Variants in KSR1 observed in about 807,000 individuals in gnomAD.
The protein encoded by KSR1 is kinase suppressor of ras.
A neutral mutation model predicts 92.9 loss-of-function variants in KSR1; 35 were observed. That is an observed-to-expected ratio of 0.38 (90% CI 0.29 to 0.50). The LOEUF (loss-of-function observed/expected upper bound fraction) is 0.50. KSR1 is among the 20% of genes least tolerant of loss of function. The probability of loss-of-function intolerance (pLI) is 0.94; values close to 1 mark genes in which losing one functional copy is unlikely to be tolerated. For missense variants in KSR1, 972 were observed against 1,158.5 expected, an observed-to-expected ratio of 0.84 and a Z score of 2.34; for synonymous variants, 467 against 472.6, an observed-to-expected ratio of 0.99 and a Z score of 0.15.
At chr17:27,510,304 C>A (rs2069551924) in intron 1 of KSR1, among the ~76,000 whole-genome samples, 1 of 152,212 alleles carries the variant, frequency 6.6e-6, no homozygotes. Context: ...ATCCCAGTGA[C>A]CTCTGGCACG....
intron 2 of KSR1, among the ~76,000 whole-genome samples, chr17:27,555,654 G>C (rs1427462239): frequency 2.0e-5 from 3 of 152,196 alleles, no homozygotes; most frequent in African/African-American, 7.2e-5. Context: ...AGCCTGGTGA[G>C]TTATTCGCTC....
At chr17:27,467,723 T>G (rs1444902788) in intron 1 of KSR1, among the ~76,000 whole-genome samples, 1 of 152,206 alleles carries the variant, frequency 6.6e-6, no homozygotes, top group African/African-American at 2.4e-5. Flanking sequence ...GCCTTTAGTT[T>G]AAAATGCTCA....
At chr17:27,606,317 G>A (rs1221792889) in intron 14 of KSR1, among the ~76,000 whole-genome samples, 4 of 152,208 alleles carry the variant, frequency 2.6e-5, no homozygotes, top group Admixed American at 2.6e-4. Flanking sequence ...GGTACAGAGT[G>A]AAAGCCAGTC....
At chr17:27,535,445 G>C (rs2070721050) in intron 1 of KSR1, among the ~76,000 whole-genome samples, 1 of 152,210 alleles carries the variant, frequency 6.6e-6, no homozygotes, top group Non-Finnish European at 1.5e-5. Flanking sequence ...TTTGGTGCCA[G>C]AGGTGTTCCT....
intron 1 of KSR1, among the ~76,000 whole-genome samples, chr17:27,545,627 C>T (rs1161301437): frequency 6.6e-6 from 1 of 152,214 alleles, no homozygotes; most frequent in African/African-American, 2.4e-5. Context: ...CCAGAGTTTC[C>T]AGCCTGAAGA....
intron 5 of KSR1, 81 bp from the exon 6 acceptor site, chr17:27,588,394 G>C: frequency 7.9e-7 from 1 of 1,269,112 alleles, no homozygotes; most frequent in Non-Finnish European, 1.1e-6. Flanking sequence ...CTAGCCTGTG[G>C]TCTCTGAATT....
intron 2 of KSR1, among the ~76,000 whole-genome samples, chr17:27,575,424 A>G (rs2072468226): frequency 6.6e-6 from 1 of 152,224 alleles, no homozygotes; most frequent in South Asian, 2.1e-4. Flanking sequence ...CTAATGCATT[A>G]TAATGAGCAT....
At chr17:27,578,733 G>T (rs991782424) in intron 3 of KSR1, 3 of 152,272 alleles carry the variant, frequency 2.0e-5, no homozygotes, top group Non-Finnish European at 4.4e-5. Context: ...AATTGTGGAA[G>T]AGTCAGCTTT....
chr17:27,541,258 A>G (rs2070951761), intron 1 of KSR1, among the ~76,000 whole-genome samples: 1 of 152,240 alleles, frequency 6.6e-6, no homozygotes, highest in Non-Finnish European at 1.5e-5. Flanking sequence ...AGGACTAAAT[A>G]AAACAAGAGG....
At chr17:27,602,337 G>T (rs941017958) in intron 11 of KSR1, among the ~76,000 whole-genome samples, 1 of 152,170 alleles carries the variant, frequency 6.6e-6, no homozygotes, top group African/African-American at 2.4e-5. Context: ...AGCAGCCTCT[G>T]CAGTTTCACA....
chr17:27,572,925 T>A (rs529619332), intron 2 of KSR1, among the ~76,000 whole-genome samples: 66 of 152,286 alleles, frequency 4.3e-4, no homozygotes, highest in Middle Eastern at 3.4e-3. Flanking sequence ...CTTTCTTGAT[T>A]AAGTTAACAT....
intron 16 of KSR1, 40 bp from the exon 17 acceptor site, chr17:27,610,027 T>G (rs367998466): frequency 3.7e-4 from 589 of 1,610,564 alleles, no homozygotes; most frequent in Non-Finnish European, 4.8e-4. Flanking sequence ...TGCTGCCTGC[T>G]GAAAGGCCTG....
chr17:27,585,786 A>G (rs2072946507), intron 5 of KSR1, 125 bp downstream of exon 5: 6 of 712,872 alleles, frequency 8.4e-6, no homozygotes, highest in Non-Finnish European at 2.6e-6. Context: ...GTCCAGAAGC[A>G]GAGGTGCTGG....
At chr17:27,526,042 C>CT (rs60220711) in intron 1 of KSR1, among the ~76,000 whole-genome samples, 28,668 of 101,364 alleles carry the variant, frequency 0.28, 4,285 homozygotes, top group African/African-American at 0.42. Flanking sequence ...CTTTTCTTTT[C>CT]TTTCTCTCTC....
rs114249404 is a variant in KSR1, at chr17:27,500,012, T to C, written c.231+43138T>C. ...ATCTGCACCAGTGCTGCTGTCATCT[T>C]GAGAGTGGACTCGTGTCAGATGGGA... On this transcript the variant is annotated intron_variant, in intron 1 of 20. Transcript: ENST00000644974. 4.5e-3 allele frequency among the ~76,000 whole-genome samples: 680 copies of C among 152,328 alleles called. 7 individuals carry two copies. Among genetic ancestry groups the C allele is most frequent in the African/African-American group, 0.016 (651 of 41,582 alleles).
At chr17:27,599,667 A>T (rs1177608156) in intron 10 of KSR1, among the ~76,000 whole-genome samples, 1 of 152,206 alleles carries the variant, frequency 6.6e-6, no homozygotes, top group African/African-American at 2.4e-5. Flanking sequence ...CTTAGGCTAT[A>T]CTAAATTTAT....
chr17:27,605,361 C>T, intron 13 of KSR1, 73 bp from the exon 14 acceptor site: 1 of 1,522,602 alleles, frequency 6.6e-7, no homozygotes. Context: ...CTGGCTAGGG[C>T]TCCAGGAGAA....
intron 15 of KSR1, 55 bp from the exon 16 acceptor site, chr17:27,609,141 G>A (rs1480431768): frequency 3.2e-6 from 5 of 1,573,514 alleles, no homozygotes; most frequent in African/African-American, 1.3e-5. Context: ...ATCCAGCCCA[G>A]GGTGGCACCT....
intron 2 of KSR1, among the ~76,000 whole-genome samples, chr17:27,576,489 TACTG>T (rs1241973351): frequency 6.6e-6 from 1 of 152,210 alleles, no homozygotes; most frequent in Non-Finnish European, 1.5e-5. Context: ...CAAAATATCT[TACTG>T]TACTGTTCTC....
Sources: allele counts gnomAD v4.1 joint callset (sites outside exome capture counted in the v4.1 genomes callset), GRCh38; gene constraint gnomAD v4.1.1; transcripts MANE v1.5; gene names NCBI Gene and HGNC (gene_info 2026-07-23, HGNC 2026-07-21).